The following WWOX variants were observed in gnomAD, a reference collection of about 807,000 sequenced individuals.
WWOX encodes WW domain-containing oxidoreductase.
A neutral mutation model predicts 46.2 loss-of-function variants in WWOX; 69 were observed. The observed-to-expected ratio is 1.49, with a 90% CI of 1.23 to 1.82. The LOEUF is 1.82. WWOX is among the 40% of genes most tolerant of loss of function. The pLI is 0.00. For missense variants in WWOX, 919 were observed against 542.6 expected, an observed-to-expected ratio of 1.69 and a Z score of -6.89; for synonymous variants, 359 against 202.6, an observed-to-expected ratio of 1.77 and a Z score of -6.56.
intron 8 of WWOX, among the ~76,000 whole-genome samples, chr16:79,021,677 G>T (rs1160091317): frequency 6.6e-6 from 1 of 152,176 alleles, no homozygotes; most frequent in Non-Finnish European, 1.5e-5. Flanking sequence ...TCACACGATC[G>T]CAGTGCATTG....
At chr16:78,675,144 C>T (rs1056127695) in intron 8 of WWOX, among the ~76,000 whole-genome samples, 3 of 152,080 alleles carry the variant, frequency 2.0e-5, no homozygotes, top group Admixed American at 6.6e-5. Context: ...ATCCTCAAAA[C>T]GTTCATCAAA....
intron 8 of WWOX, among the ~76,000 whole-genome samples, chr16:78,464,824 G>A (rs549004455): frequency 9.9e-5 from 15 of 152,256 alleles, no homozygotes; most frequent in Non-Finnish European, 1.8e-4. Flanking sequence ...CCTCAATAAG[G>A]AGAATCAGAG....
chr16:78,621,543 C>T (rs955745585), intron 8 of WWOX, among the ~76,000 whole-genome samples: 10 of 145,884 alleles, frequency 6.9e-5, no homozygotes, highest in African/African-American at 2.5e-4. Context: ...TTTTATTGGC[C>T]AGTATATTCA....
chr16:79,142,171 G>C (rs1000269495), intron 8 of WWOX, among the ~76,000 whole-genome samples: 1 of 152,152 alleles, frequency 6.6e-6, no homozygotes, highest in African/African-American at 2.4e-5. Flanking sequence ...CCACAGTGTA[G>C]ATATTCCAGG....
chr16:78,585,175 C>CG (rs1361872933), intron 8 of WWOX, among the ~76,000 whole-genome samples: 1 of 152,186 alleles, frequency 6.6e-6, no homozygotes, highest in Non-Finnish European at 1.5e-5. Flanking sequence ...TGACCACCCC[C>CG]GGGCTATTTC....
intron 8 of WWOX, among the ~76,000 whole-genome samples, chr16:78,492,834 A>C (rs1567604380): frequency 6.6e-6 from 1 of 152,132 alleles, no homozygotes; most frequent in Admixed American, 6.5e-5. Context: ...CATGCCTGCT[A>C]GGCCGAATAC....
At chr16:78,706,058 G>GTTTTTTTTTT (rs3051058) in intron 8 of WWOX, among the ~76,000 whole-genome samples, 2 of 106,428 alleles carry the variant, frequency 1.9e-5, no homozygotes, top group African/African-American at 3.6e-5. Context: ...GTTATGGCAG[G>GTTTTTTTTTT]TTTTTTTTTT....
intron 8 of WWOX, among the ~76,000 whole-genome samples, chr16:78,814,652 G>T (rs1285062821): frequency 2.0e-5 from 3 of 152,190 alleles, no homozygotes; most frequent in African/African-American, 4.8e-5. Context: ...ATGCACCTTA[G>T]ACCTGGGAGA....
intron 5 of WWOX, among the ~76,000 whole-genome samples, chr16:78,174,795 C>T (rs1321719925): frequency 6.6e-6 from 1 of 152,030 alleles, no homozygotes; most frequent in Non-Finnish European, 1.5e-5. Flanking sequence ...GGCGACCAGC[C>T]TGGGCAATAC....
chr16:79,062,444 G>A (rs1238082634), intron 8 of WWOX, among the ~76,000 whole-genome samples: 1 of 152,090 alleles, frequency 6.6e-6, no homozygotes, highest in Non-Finnish European at 1.5e-5. Flanking sequence ...GCCTTTCAAA[G>A]TTGAGGACAC....
chr16:78,378,396 C>G (rs534052232), intron 5 of WWOX, among the ~76,000 whole-genome samples: 24 of 152,184 alleles, frequency 1.6e-4, no homozygotes, highest in African/African-American at 4.8e-4. Flanking sequence ...TCAGGTTTGA[C>G]TAAGAGAGAA....
chr16:78,216,624 T>C (rs547772677), intron 5 of WWOX, among the ~76,000 whole-genome samples: 7 of 152,188 alleles, frequency 4.6e-5, no homozygotes, highest in Non-Finnish European at 8.8e-5. Context: ...TGTCTTTCTT[T>C]TGTGGTCACA....
intron 5 of WWOX, among the ~76,000 whole-genome samples, chr16:78,359,790 G>T (rs570303376): frequency 1.3e-5 from 2 of 152,334 alleles, no homozygotes; most frequent in East Asian, 3.9e-4. Flanking sequence ...AACACACAAG[G>T]CATGATGCCA....
In WWOX at chr16:78,445,426, G is replaced by T. The variant is rs1977026; in HGVS notation, c.1056+12674G>T. On this transcript the variant is annotated intron_variant, in intron 8 of 8. Coordinates refer to ENST00000566780, the MANE Select transcript of WWOX (RefSeq NM_016373.4). ...AACATAAGCCGGGTGCTTTGCTAGG[G>T]ACAGAATGCTGTACAAGGTCCCTGT... 4.7e-3 allele frequency among the ~76,000 whole-genome samples: 709 copies of T among 152,290 alleles called. 8 individuals are homozygous for T. Among genetic ancestry groups the T allele is most frequent in the African/African-American group, 0.016 (681 of 41,554 alleles).
At chr16:79,187,209 C>G (rs531958915) in intron 8 of WWOX, among the ~76,000 whole-genome samples, 17 of 152,268 alleles carry the variant, frequency 1.1e-4, no homozygotes, top group African/African-American at 4.1e-4. Context: ...TCATTTTCCT[C>G]CCCTGTAAAA....
intron 8 of WWOX, among the ~76,000 whole-genome samples, chr16:78,468,958 C>T (rs1040798955): frequency 2.6e-5 from 4 of 152,188 alleles, no homozygotes; most frequent in South Asian, 2.1e-4. Context: ...TTTGGTATGA[C>T]GATGTCTTAC....
chr16:79,081,165 C>G (rs542088550), intron 8 of WWOX, among the ~76,000 whole-genome samples: 4 of 152,028 alleles, frequency 2.6e-5, no homozygotes, highest in Non-Finnish European at 1.5e-5. Context: ...GCTGAGAGAA[C>G]AAGTCTATGT....
At chr16:78,633,075 C>T (rs1597374507) in intron 8 of WWOX, among the ~76,000 whole-genome samples, 1 of 151,982 alleles carries the variant, frequency 6.6e-6, no homozygotes, top group Non-Finnish European at 1.5e-5. Context: ...GCAATCTGGC[C>T]AACATGGTGA....
chr16:78,354,470 T>C (rs1283304776), intron 5 of WWOX, among the ~76,000 whole-genome samples: 2 of 152,180 alleles, frequency 1.3e-5, no homozygotes, highest in East Asian at 3.8e-4. Flanking sequence ...ATTTTGATGC[T>C]GGTTTTTGAT....
Sources: gnomAD v4.1 joint callset for allele counts (sites outside exome capture counted in the v4.1 genomes callset) on GRCh38, gnomAD v4.1.1 for gene constraint, MANE v1.5 for transcripts, NCBI Gene and HGNC (gene_info 2026-07-23, HGNC 2026-07-21) for gene names.